The following BGN variants were observed in gnomAD, a reference collection of about 807,000 sequenced individuals.
BGN encodes bone/cartilage proteoglycan-I.
Under a neutral mutation model 20.0 loss-of-function variants are expected in BGN, and 6 were observed. The observed-to-expected ratio is 0.30, with a 90% CI of 0.16 to 0.59. The LOEUF is 0.59. BGN is among the 20% of genes least tolerant of loss of function. BGN has a pLI of 0.88. For missense variants in BGN, 292 were observed against 312.1 expected (o/e 0.94, Z 0.49); for synonymous variants, 146 against 134.6 (o/e 1.08, Z -0.59).
intron 1 of BGN, 84 bp from the exon 2 acceptor site, chrX:153,504,537 C>T: frequency 3.6e-6 from 3 of 832,832 alleles, no homozygotes; most frequent in Non-Finnish European, 5.1e-6. Flanking sequence ...AACGCAGTGC[C>T]ACCACACACG....
In BGN at chrX:153,508,233, C is replaced by G; in HGVS notation, c.910-15C>G. ...GGGAGGGAGGCCTGCCGTGACCCGG[C>G]CTCTCTGCCTTCAGGTGGTCTATCT... is the stretch of plus-strand genomic sequence containing the variant. On this transcript the variant is annotated splice_polypyrimidine_tract_variant and intron_variant, in intron 7 of 7. Transcript: ENST00000331595. 8.3e-7 allele frequency: 1 copy of G among 1,209,700 alleles called. No individual in the cohort carries two copies. The highest frequency in any genetic ancestry group is 1.1e-6 in the Non-Finnish European group (1 of 893,784).
chrX:153,507,199 A>G lies in BGN; in HGVS notation c.909+14A>G. 8.4e-7 allele frequency: 1 copy of G among 1,185,957 alleles called. No individual in the cohort carries two copies. On this transcript the variant is annotated intron_variant, in intron 7 of 7. Transcript: ENST00000331595. ...AAGCTCCTCCAGGTGAGAGCTGGGC[A>G]TGCACAGCCAGGTTCCCTAAGGCTG...
rs781997038 is a variant in BGN at position 153,507,080 on chromosome X, C to T, written c.804C>T (p.Ile268=). 13 of 1,207,949 alleles carry T rather than the reference C, an allele frequency of 1.1e-5. No homozygotes were observed. The highest frequency in any genetic ancestry group is 3.5e-5 in the South Asian group (2 of 56,433). ...LGLGHNQIRM[I]ENGSLSFLPT... is the part of the protein sequence containing the mutation. ...TAGGCCACAACCAGATCAGGATGAT[C>T]GAGAACGGGAGCCTGAGCTTCCTGC... The change falls in exon 7 of 8, where the codon ATC becomes ATT. Residue 268 remains isoleucine (I), a synonymous_variant. Coordinates refer to ENST00000331595, the MANE Select transcript of BGN (RefSeq NM_001711.6).
intron 7 of BGN, 111 bp downstream of exon 7, chrX:153,507,296 C>T (rs915795124): frequency 7.1e-5 from 70 of 991,089 alleles, no homozygotes; most frequent in Non-Finnish European, 9.0e-5. Context: ...CGGCTCTGGG[C>T]ATCTGCAAGG....
At chrX:153,507,709 G>T (rs943440509) in intron 7 of BGN, among the ~76,000 whole-genome samples, 5 of 113,498 alleles carry the variant, frequency 4.4e-5, no homozygotes, top group Non-Finnish European at 9.4e-5. Flanking sequence ...TGGGCCGAGT[G>T]CGCCCTCTAG....
In BGN at chrX:153,508,323, C is replaced by T. The variant is rs1569532459; in HGVS notation, c.985C>T (p.Arg329Trp). The T allele has an allele frequency of 1.2e-5, 15 of 1,210,877 alleles. No individual in the cohort carries two copies. Among genetic ancestry groups the T allele is most frequent in the Non-Finnish European group, 1.6e-5 (14 of 895,305 alleles). Residue 329 changes from arginine to tryptophan, a missense_variant, in exon 8 of 8, where the codon CGG (arginine) becomes TGG (tryptophan). Transcript: ENST00000331595. ...CTGTCCCATGGGCTTCGGGGTGAAGCGGGCCTACTACAACGGCATCAGCCT... is the reference window on the plus strand; with the variant it reads ...CTGTCCCATGGGCTTCGGGGTGAAGTGGGCCTACTACAACGGCATCAGCCT... Reference protein sequence around the residue: ...DFCPMGFGVKRAYYNGISLFN... With the variant: ...DFCPMGFGVKWAYYNGISLFN...
Position 153,505,249 on chromosome X carries a change from G to T in BGN, c.250G>T (p.Val84Leu), listed in dbSNP as rs202151631. ...VQCSDLGLKS[V>L]PKEISPDTTL... ...GGTGGGGCCCCTAGGTCTGAAGTCT[G>T]TGCCCAAAGAGATCTCCCCTGACAC... The change falls in exon 3 of 8, where the codon GTG (valine) becomes TTG (leucine). Residue 84 changes from valine (V) to leucine (L), a missense_variant. Physicochemically the swap from Val to Leu is conservative, Grantham distance 32. Coordinates refer to ENST00000331595, the MANE Select transcript of BGN (RefSeq NM_001711.6). 45 of 1,203,286 alleles carry T rather than the reference G, an allele frequency of 3.7e-5. No individual in the cohort carries two copies. The highest frequency in any genetic ancestry group is 5.3e-5 in the African/African-American group (3 of 56,739).
intron 1 of BGN, among the ~76,000 whole-genome samples, chrX:153,496,492 G>T (rs1318826597): frequency 3.5e-5 from 4 of 112,705 alleles, no homozygotes; most frequent in African/African-American, 1.3e-4. Flanking sequence ...AGCCCGTGTG[G>T]GTATATTGAA....
At chrX:153,506,460 C>A (rs782492275) in intron 4 of BGN, 69 bp from the exon 5 acceptor site, 3 of 1,009,536 alleles carry the variant, frequency 3.0e-6, no homozygotes, top group Non-Finnish European at 4.1e-6. Context: ...CACACTGGCC[C>A]GGAAGTGACA....
At position 153,506,931 on chromosome X, in the gene BGN, C is replaced by T. The variant is rs1244695319; in HGVS notation, c.770+8C>T. 2 of 1,208,651 alleles carry T rather than the reference C, an allele frequency of 1.7e-6. No individual in the cohort carries two copies. Among genetic ancestry groups the T allele is most frequent in the Non-Finnish European group, 2.2e-6 (2 of 893,628 alleles). On this transcript the variant is annotated splice_region_variant and intron_variant, in intron 6 of 7. Coordinates refer to ENST00000331595, the MANE Select transcript of BGN (RefSeq NM_001711.6). Reference sequence around the variant, plus strand: ...CTACTCCAAGCTGTACAGGTGAGGCCAGCAGGGCACCGCCCAAGGGTGATG... The same window carrying T: ...CTACTCCAAGCTGTACAGGTGAGGCTAGCAGGGCACCGCCCAAGGGTGATG...
At chrX:153,504,341 C>T (rs1164361580) in intron 1 of BGN, among the ~76,000 whole-genome samples, 1 of 112,341 alleles carries the variant, frequency 8.9e-6, no homozygotes, top group Admixed American at 9.3e-5. Context: ...GACATTTCAT[C>T]GCCTGATTAA....
intron 1 of BGN, among the ~76,000 whole-genome samples, chrX:153,503,079 C>T (rs982932134): frequency 8.8e-6 from 1 of 113,017 alleles, no homozygotes; most frequent in Non-Finnish European, 1.9e-5. Flanking sequence ...GGCTTGTGCT[C>T]AGACCCAACC....
At chrX:153,503,574 C>T (rs1423534434) in intron 1 of BGN, among the ~76,000 whole-genome samples, 2 of 112,334 alleles carry the variant, frequency 1.8e-5, no homozygotes, top group East Asian at 5.6e-4. Flanking sequence ...GGCAGGGCTC[C>T]AGCCTCTTCC....
rs113834591 is a variant in BGN at position 153,503,845 on chromosome X, A to G, written c.-11-776A>G. On this transcript the variant is annotated intron_variant, in intron 1 of 7. Coordinates refer to ENST00000331595, the MANE Select transcript of BGN (RefSeq NM_001711.6). Reference sequence around the variant, plus strand: ...GGGTGCGAGCAGATCTGGGAGCTCCAGGGCTGTTTGGGCCAAGGCGGTGTG... The same window carrying G: ...GGGTGCGAGCAGATCTGGGAGCTCCGGGGCTGTTTGGGCCAAGGCGGTGTG... Among the ~76,000 whole-genome samples, 6 of 85,910 alleles carry G rather than the reference A, an allele frequency of 7.0e-5. No individual in the cohort carries two copies. In the East Asian group the frequency reaches 1.7e-3, roughly 24 times the overall value. 74.6% of individuals were successfully genotyped at this position (85,910 alleles called of 115,157 possible). A position where few individuals can be genotyped will look rare whatever the true frequency, so the allele number is the denominator to read the frequency against.
intron 1 of BGN, among the ~76,000 whole-genome samples, chrX:153,497,578 C>T (rs975462265): frequency 2.3e-3 from 258 of 111,178 alleles, no homozygotes; most frequent in African/African-American, 8.2e-3. Context: ...AGAGGGGCTG[C>T]GCTGTGGGGA....
In BGN at chrX:153,507,175, A is replaced by C; in HGVS notation, c.899A>C (p.Lys300Thr). 1 of 1,200,509 alleles carries C rather than the reference A, an allele frequency of 8.3e-7. No individual in the cohort carries two copies. The change falls in exon 7 of 8, where the codon AAG becomes ACG. Residue 300 changes from lysine (K) to threonine (T), a missense_variant. Physicochemically the swap from Lys to Thr is moderately conservative, Grantham distance 78. Transcript: ENST00000331595. ...GTGCCCTCAGGGCTCCCAGACCTCA[A>C]GCTCCTCCAGGTGAGAGCTGGGCAT... Reference protein sequence around the residue: ...ARVPSGLPDLKLLQVVYLHSN... With the variant: ...ARVPSGLPDLTLLQVVYLHSN...
chrX:153,506,710 T>C (rs1204439641), intron 5 of BGN, 71 bp downstream of exon 5: 2 of 1,143,202 alleles, frequency 1.7e-6, no homozygotes, highest in Non-Finnish European at 2.4e-6. Context: ...GGGTGGGGGC[T>C]CTGGATGGGC....
chrX:153,497,937 G>A (rs1028297254), intron 1 of BGN, among the ~76,000 whole-genome samples: 2 of 112,389 alleles, frequency 1.8e-5, no homozygotes, highest in Non-Finnish European at 3.8e-5. Flanking sequence ...CCTCTGGGGT[G>A]GCTATGGAGG....
rs782041841 is a variant in BGN at position 153,501,099 on chromosome X, ATG to A, written c.-11-3513_-11-3512del. Among the ~76,000 whole-genome samples the A allele has an allele frequency of 3.7e-4, 40 of 108,358 alleles. No individual in the cohort carries two copies. In the South Asian group the frequency reaches 4.0e-3, roughly 11 times the overall value. The allele number at this position is 108,358 out of a possible 115,157, so 94.1% of individuals were successfully genotyped here. A position where few individuals can be genotyped will look rare whatever the true frequency, so the allele number is the denominator to read the frequency against. On this transcript the variant is annotated intron_variant, in intron 1 of 7. Coordinates refer to ENST00000331595, the MANE Select transcript of BGN (RefSeq NM_001711.6). ...ATATGTGTTTTGTATAGGTGTGTGCATGTGTGTGTGCACGTGTGTACATATGT... is the reference window on the plus strand; with the variant it reads ...ATATGTGTTTTGTATAGGTGTGTGCATGTGTGTGCACGTGTGTACATATGT...
Sources: gnomAD v4.1 joint callset for allele counts (sites outside exome capture counted in the v4.1 genomes callset) on GRCh38, gnomAD v4.1.1 for gene constraint, MANE v1.5 for transcripts, NCBI Gene and HGNC (gene_info 2026-07-23, HGNC 2026-07-21) for gene names.